The following CRACR2A variants were observed in gnomAD, a reference collection of about 807,000 sequenced individuals.
CRACR2A encodes the protein EF-hand calcium-binding domain-containing protein 4B.
CRACR2A carries 79 observed loss-of-function variants against 90.5 expected under a neutral mutation model. The observed-to-expected ratio is 0.87, with a 90% CI of 0.73 to 1.05. CRACR2A has a LOEUF of 1.05. Ranked by LOEUF, CRACR2A falls within the 50% of genes least tolerant of loss-of-function variation. The pLI, the probability that CRACR2A is intolerant of heterozygous loss-of-function variation, is 0.00. For missense variants in CRACR2A, 823 were observed against 897.2 expected (o/e 0.92, Z 1.06); for synonymous variants, 338 against 356.7 (o/e 0.95, Z 0.59).
intron 2 of CRACR2A, among the ~76,000 whole-genome samples, chr12:3,719,041 A>AG (rs1293428452): frequency 2.6e-5 from 4 of 152,326 alleles, no homozygotes; most frequent in African/African-American, 9.6e-5. Flanking sequence ...GAATTTGCTC[A>AG]GGAGGCCACA....
At chr12:3,677,759 C>A (rs1012249701) in intron 6 of CRACR2A, among the ~76,000 whole-genome samples, 1 of 152,224 alleles carries the variant, frequency 6.6e-6, no homozygotes, top group African/African-American at 2.4e-5. Flanking sequence ...GCAGCCCCTT[C>A]CAGGCCTTCA....
intron 10 of CRACR2A, among the ~76,000 whole-genome samples, chr12:3,652,194 A>C: frequency 6.6e-6 from 1 of 151,554 alleles, no homozygotes; most frequent in East Asian, 1.9e-4. Flanking sequence ...GTGATGCTCC[A>C]GCACTGGGTG....
chr12:3,721,238 T>C (rs937427557), intron 2 of CRACR2A, among the ~76,000 whole-genome samples: 3 of 151,104 alleles, frequency 2.0e-5, no homozygotes, highest in Admixed American at 6.6e-5. Flanking sequence ...AGGAACGGGG[T>C]AAAAAGCAAG....
intron 4 of CRACR2A, among the ~76,000 whole-genome samples, chr12:3,681,796 T>A (rs1362192101): frequency 1.3e-5 from 2 of 152,218 alleles, no homozygotes; most frequent in Non-Finnish European, 2.9e-5. Flanking sequence ...CTATGGCAGT[T>A]CTAGCTGATA....
intron 6 of CRACR2A, among the ~76,000 whole-genome samples, chr12:3,675,304 C>A (rs1945317632): frequency 6.6e-6 from 1 of 152,084 alleles, no homozygotes. Context: ...AGAGAAGAGG[C>A]CCACTGAGAA....
At chr12:3,739,919 C>G (rs1310597326) in intron 1 of CRACR2A, among the ~76,000 whole-genome samples, 1 of 125,254 alleles carries the variant, frequency 8.0e-6, no homozygotes. Context: ...GGCGACAGAG[C>G]GACTCCGTCT....
chr12:3,728,445 AAG>A, intron 2 of CRACR2A: 1 of 152,248 alleles, frequency 6.6e-6, no homozygotes, highest in Non-Finnish European at 1.5e-5. Flanking sequence ...CTTGCGGGAG[AAG>A]AGAGATAAAC....
chr12:3,677,554 G>A (rs148620135), intron 6 of CRACR2A, among the ~76,000 whole-genome samples: 99 of 152,260 alleles, frequency 6.5e-4, no homozygotes, highest in Non-Finnish European at 1.1e-3. Flanking sequence ...CTTCCGTTAC[G>A]GTGCCTCAGC....
chr12:3,697,588 G>A (rs1945763510), intron 3 of CRACR2A, among the ~76,000 whole-genome samples: 1 of 152,188 alleles, frequency 6.6e-6, no homozygotes, highest in African/African-American at 2.4e-5. Context: ...TATGATCTCA[G>A]TCCCACCCTG....
chr12:3,734,639 G>A (rs1946419845), intron 1 of CRACR2A, among the ~76,000 whole-genome samples: 1 of 151,336 alleles, frequency 6.6e-6, no homozygotes, highest in Admixed American at 6.6e-5. Flanking sequence ...ATGTGTGTGT[G>A]TGTGTGTGTG....
At chr12:3,624,888 C>T (rs537186004) in intron 17 of CRACR2A, among the ~76,000 whole-genome samples, 9 of 152,290 alleles carry the variant, frequency 5.9e-5, no homozygotes, top group South Asian at 2.1e-4. Flanking sequence ...CTTGTTTAGC[C>T]GGGAACAGTG....
In CRACR2A at chr12:3,638,157, T is replaced by G. The variant is rs1052160691; in HGVS notation, c.1569A>C (p.Arg523=). ...GGGCTTCTTTTCCAACAGGCTGCCC[T>G]CGGGGGGATGTGGGGGTGAGTTTCA... ...PPLKLTPTSP[R]GQPVGKEALC... The change falls in exon 14 of 20, where the codon CGA becomes CGC. Residue 523 remains arginine, a synonymous_variant. Transcript: ENST00000440314. 3.0e-5 allele frequency: 46 copies of G among 1,548,930 alleles called. No homozygotes were observed. The highest frequency in any genetic ancestry group is 3.8e-5 in the Non-Finnish European group (44 of 1,144,878).
chr12:3,742,451 G>A (rs187240428), intron 1 of CRACR2A, among the ~76,000 whole-genome samples: 28 of 152,196 alleles, frequency 1.8e-4, no homozygotes, highest in Admixed American at 7.2e-4. Flanking sequence ...ATGCAGAGGC[G>A]GGGCCAGCTG....
chr12:3,653,188 G>A (rs966214073), intron 10 of CRACR2A, among the ~76,000 whole-genome samples: 1 of 151,982 alleles, frequency 6.6e-6, no homozygotes, highest in Non-Finnish European at 1.5e-5. Context: ...TCACCGTGTT[G>A]GTCAGGCTGG....
At chr12:3,648,720 A>G (rs567342642) in intron 10 of CRACR2A, 107 bp from the exon 11 acceptor site, 2 of 1,475,442 alleles carry the variant, frequency 1.4e-6, no homozygotes, top group Non-Finnish European at 1.8e-6. Context: ...GATGGAGGGC[A>G]TTGGAGGAAC....
At chr12:3,687,188 T>TA (rs1491334482) in intron 4 of CRACR2A, among the ~76,000 whole-genome samples, 1 of 113,920 alleles carries the variant, frequency 8.8e-6, no homozygotes, top group Admixed American at 8.4e-5. Flanking sequence ...TCCCATTTTC[T>TA]TTTTTTTTTT....
chr12:3,643,872 A>ATATAT lies in CRACR2A; in HGVS notation c.1164+718_1164+722dup, dbSNP rs1293099213. ...ATTATATATTTATATTATATATATT[A>ATATAT]TATATATTTATATTAATATATAATA... On this transcript the variant is annotated intron_variant, in intron 12 of 19. Transcript: ENST00000440314. Among the ~76,000 whole-genome samples the ATATAT allele has an allele frequency of 2.9e-3, 205 of 70,554 alleles. 3 individuals are homozygous for ATATAT. The highest frequency in any genetic ancestry group is 0.014 in the Middle Eastern group (2 of 138). 46.3% of individuals were successfully genotyped at this position (70,554 alleles called of 152,430 possible).
chr12:3,621,366 C>T (rs554014869), intron 17 of CRACR2A, among the ~76,000 whole-genome samples: 2 of 149,444 alleles, frequency 1.3e-5, no homozygotes, highest in East Asian at 1.9e-4. Context: ...GTGCCTCTTG[C>T]GTCCTGGGAA....
In CRACR2A at chr12:3,711,750, C is replaced by A. The variant is rs994154325; in HGVS notation, c.-37+1487G>T. Among the ~76,000 whole-genome samples the A allele has an allele frequency of 3.3e-5, 5 of 152,198 alleles. No homozygotes were observed. The highest frequency in any genetic ancestry group is 1.2e-4 in the African/African-American group (5 of 41,440). ...TTTCAGCCTCTGTCTATTACCCATT[C>A]CACAGCCACATCCACATTTTTAGGT... On this transcript the variant is annotated intron_variant, in intron 3 of 19. Transcript: ENST00000440314. This position sits in a 1 kb window ranked among gnomAD's most constrained non-coding sequence, Gnocchi z 4.3.
Sources: gnomAD v4.1 joint callset for allele counts (sites outside exome capture counted in the v4.1 genomes callset) on GRCh38, gnomAD v4.1.1 for gene constraint, Gnocchi (gnomAD v3.1) non-coding constraint, MANE v1.5 for transcripts, NCBI Gene and HGNC (gene_info 2026-07-23, HGNC 2026-07-21) for gene names.